LAMA3: variants seen among roughly 807,000 people sequenced by gnomAD.
The protein encoded by LAMA3 is laminin subunit alpha 3, also known as laminin subunit alpha-3.
LAMA3 carries 281 observed loss-of-function variants against 402.0 expected under a neutral mutation model. That is an observed-to-expected ratio of 0.70 (90% confidence interval 0.63 to 0.77). The LOEUF (loss-of-function observed/expected upper bound fraction) is 0.77. Ranked by LOEUF, LAMA3 falls within the 30% of genes least tolerant of loss-of-function variation. LAMA3 has a pLI of 0.00. For missense variants in LAMA3, 3,840 were observed against 4,215.5 expected, an observed-to-expected ratio of 0.91 and a Z score of 2.47; for synonymous variants, 1,431 against 1,558.4, an observed-to-expected ratio of 0.92 and a Z score of 1.93.
intron 55 of LAMA3, among the ~76,000 whole-genome samples, 198 bp from the exon 56 acceptor site, chr18:23,912,513 C>T (rs550978536): frequency 7.8e-4 from 118 of 152,200 alleles, no homozygotes; most frequent in Admixed American, 1.0e-3. Context: ...GACACAGCTC[C>T]GGAAACAGCT....
At chr18:23,783,315 T>C (rs1043505928) in intron 11 of LAMA3, among the ~76,000 whole-genome samples, 2 of 151,978 alleles carry the variant, frequency 1.3e-5, no homozygotes, top group African/African-American at 4.8e-5. Context: ...AATGAAAGTG[T>C]TGTGAAAGAA....
At chr18:23,855,518 C>A (rs954328850) in intron 32 of LAMA3, among the ~76,000 whole-genome samples, 3 of 152,178 alleles carry the variant, frequency 2.0e-5, no homozygotes. Context: ...ACATTTTTGC[C>A]AGACTGCCTG....
At chr18:23,799,625 TG>T (rs2062831441) in intron 12 of LAMA3, among the ~76,000 whole-genome samples, 2 of 152,324 alleles carry the variant, frequency 1.3e-5, no homozygotes, top group African/African-American at 4.8e-5. Flanking sequence ...AATGCCCGCA[TG>T]GATGTTTTCC....
At chr18:23,874,436 A>G (rs1192469653) in intron 38 of LAMA3, among the ~76,000 whole-genome samples, 1 of 152,270 alleles carries the variant, frequency 6.6e-6, no homozygotes, top group Non-Finnish European at 1.5e-5. Context: ...ATATAACAAC[A>G]TAATCTATTT....
At chr18:23,702,883 A>G (rs1419201645) in intron 1 of LAMA3, among the ~76,000 whole-genome samples, 2 of 151,916 alleles carry the variant, frequency 1.3e-5, no homozygotes, top group Non-Finnish European at 2.9e-5. Context: ...CAATTGCTCC[A>G]CCTCTTTGTG....
chr18:23,817,494 T>A (rs2063198984), intron 18 of LAMA3, among the ~76,000 whole-genome samples: 1 of 152,246 alleles, frequency 6.6e-6, no homozygotes, highest in Non-Finnish European at 1.5e-5. Flanking sequence ...GGACAATTGC[T>A]TGAGGCCAGG....
At chr18:23,856,470 C>T (rs2064081885) in intron 32 of LAMA3, among the ~76,000 whole-genome samples, 1 of 152,198 alleles carries the variant, frequency 6.6e-6, no homozygotes, top group South Asian at 2.1e-4. Flanking sequence ...AGGTAGATCC[C>T]AGCTCTGAAT....
chr18:23,857,728 G>T, intron 32 of LAMA3, 116 bp from the exon 33 acceptor site: 1 of 1,271,678 alleles, frequency 7.9e-7, no homozygotes, highest in South Asian at 1.2e-5. Context: ...CTATAAGCAG[G>T]CATTGTATCT....
chr18:23,914,826 T>C lies in LAMA3; in HGVS notation c.7610T>C (p.Val2537Ala). 6.2e-7 allele frequency: 1 copy of C among 1,613,154 alleles called. No individual in the cohort carries two copies. Among genetic ancestry groups the C allele is most frequent in the Admixed American group, 1.7e-5 (1 of 60,022 alleles). Residue 2537 changes from valine to alanine, a missense_variant, in exon 58 of 75, where the codon GTA becomes GCA. This residue lies in a region of LAMA3 where 840 missense variants were observed against 981.9 expected (regional missense o/e 0.86). Transcript: ENST00000313654. ...CTTAATTTGGATCCTGAAAATGTTG[T>C]ATTTTATGTTGGAGGTTACCCACCT... Reference protein sequence around the residue: ...TLLNLDPENVVFYVGGYPPDF... With the variant: ...TLLNLDPENVAFYVGGYPPDF...
rs201094729 is a variant in LAMA3, at chr18:23,833,896, G to T, written c.2892G>T (p.Thr964=). The change falls in exon 24 of 75, where the codon ACG becomes ACT. Residue 964 remains threonine, a synonymous_variant. Transcript: ENST00000313654. The part of the protein sequence containing the change: ...GHYVVVVEYS[T]EAAQLFVVDV... ...ACGTGGTTGTGGTCGAGTATTCCACGGAGGCAGCTCAGCTGTTTGTGGTTG... is the reference window on the plus strand; with the variant it reads ...ACGTGGTTGTGGTCGAGTATTCCACTGAGGCAGCTCAGCTGTTTGTGGTTG... The T allele has an allele frequency of 6.2e-7, 1 of 1,613,998 alleles. No individual in the cohort carries two copies. The highest frequency in any genetic ancestry group is 8.5e-7 in the Non-Finnish European group (1 of 1,180,044).
At chr18:23,787,431 A>G (rs2062567461) in intron 12 of LAMA3, among the ~76,000 whole-genome samples, 2 of 152,248 alleles carry the variant, frequency 1.3e-5, no homozygotes, top group African/African-American at 4.8e-5. Flanking sequence ...ACTAAATTTA[A>G]TGAAAAGCCA....
intron 29 of LAMA3, 87 bp downstream of exon 29, chr18:23,842,837 C>A: frequency 2.0e-6 from 3 of 1,531,090 alleles, no homozygotes; most frequent in Non-Finnish European, 1.8e-6. Context: ...GGAAATAATT[C>A]TTCCAAGGAA....
At chr18:23,804,592 A>T (rs2062927007) in intron 12 of LAMA3, among the ~76,000 whole-genome samples, 1 of 152,150 alleles carries the variant, frequency 6.6e-6, no homozygotes, top group African/African-American at 2.4e-5. Context: ...GATCCCTGTG[A>T]CCTAAATTAT....
At chr18:23,889,911 G>A in intron 41 of LAMA3, 100 bp from the exon 42 acceptor site, 1 of 877,740 alleles carries the variant, frequency 1.1e-6, no homozygotes, top group Non-Finnish European at 2.0e-6. Flanking sequence ...CCACCCATTG[G>A]GTTACAATAT....
Position 23,901,179 on chromosome 18 carries a change from G to A in LAMA3, c.6057G>A (p.Gly2019=), listed in dbSNP as rs2145123760. 1.2e-6 allele frequency: 2 copies of A among 1,614,178 alleles called. No individual in the cohort carries two copies. The highest frequency in any genetic ancestry group is 1.7e-6 in the Non-Finnish European group (2 of 1,180,026). ...WQKTHQGENN[G]LANSIRDSLN... ...AAACCCACCAGGGGGAGAACAATGG[G>A]CTTGCTAACAGTATCCGGGATTCTT... is the stretch of plus-strand genomic sequence containing the variant. Residue 2019 remains glycine, a synonymous_variant, in exon 48 of 75, where the codon GGG becomes GGA. Transcript: ENST00000313654.
intron 6 of LAMA3, among the ~76,000 whole-genome samples, chr18:23,755,445 C>A (rs2061826289): frequency 6.6e-6 from 1 of 152,230 alleles, no homozygotes; most frequent in African/African-American, 2.4e-5. Context: ...TTCTGCCCAA[C>A]AGGCTGAACT....
At chr18:23,818,909 G>T (rs770956388) in intron 18 of LAMA3, among the ~76,000 whole-genome samples, 56 of 151,454 alleles carry the variant, frequency 3.7e-4, no homozygotes, top group Non-Finnish European at 5.9e-4. Flanking sequence ...TTGTTTCCAG[G>T]TCTTCACTGT....
intron 12 of LAMA3, among the ~76,000 whole-genome samples, chr18:23,786,266 G>A (rs2062543773): frequency 6.6e-6 from 1 of 152,202 alleles, no homozygotes; most frequent in African/African-American, 2.4e-5. Flanking sequence ...CCAAGAAGAT[G>A]GGCACTCTCT....
At chr18:23,792,884 T>C (rs2062687112) in intron 12 of LAMA3, among the ~76,000 whole-genome samples, 1 of 152,100 alleles carries the variant, frequency 6.6e-6, no homozygotes, top group South Asian at 2.1e-4. Context: ...GCTGAAGTAT[T>C]TGTCCAGATG....
Sources: allele counts gnomAD v4.1 joint callset (sites outside exome capture counted in the v4.1 genomes callset), GRCh38; gene constraint gnomAD v4.1.1; regional missense constraint gnomAD v4.1.1; transcripts MANE v1.5; gene names NCBI Gene and HGNC (gene_info 2026-07-23, HGNC 2026-07-21).